Variants in UBTF observed in about 807,000 individuals in gnomAD.
UBTF encodes the protein upstream binding transcription factor.
Under a neutral mutation model 112.3 loss-of-function variants are expected in UBTF, and 8 were observed. That is an observed-to-expected ratio of 0.07 (90% CI 0.04 to 0.13). The LOEUF is 0.13. UBTF is among the 10% of genes least tolerant of loss of function. The probability of loss-of-function intolerance (pLI) is 1.00; values close to 1 mark genes in which losing one functional copy is unlikely to be tolerated. For synonymous variants in UBTF, 417 were observed against 373.1 expected (o/e 1.12, Z -1.36); for missense variants, 457 against 982.1 (o/e 0.47, Z 7.15).
chr17:44,220,176 C>G (rs1355443772), upstream of UBTF, among the ~76,000 whole-genome samples: 1 of 151,832 alleles, frequency 6.6e-6, no homozygotes, highest in African/African-American at 2.4e-5. Flanking sequence ...CGAGAGCGAC[C>G]TCGCCAGACC....
At chr17:44,209,876 T>C in intron 15 of UBTF, 143 bp from the exon 16 acceptor site, 1 of 908,938 alleles carries the variant, frequency 1.1e-6, no homozygotes, top group Non-Finnish European at 1.7e-6. Flanking sequence ...AGCAACTTCC[T>C]AACAGCTCAC....
At chr17:44,217,757 C>G (rs1316442371) in intron 2 of UBTF, among the ~76,000 whole-genome samples, 1 of 152,170 alleles carries the variant, frequency 6.6e-6, no homozygotes, top group Non-Finnish European at 1.5e-5. Context: ...CCTAAAACCA[C>G]CAAAACAGCC....
chr17:44,217,528 C>T (rs1180104012), intron 2 of UBTF, among the ~76,000 whole-genome samples: 1 of 152,134 alleles, frequency 6.6e-6, no homozygotes, highest in East Asian at 1.9e-4. Flanking sequence ...CCACCCAAGG[C>T]CAGAAGTCAA....
chr17:44,210,585 T>G (rs1002528538), intron 13 of UBTF, 112 bp from the exon 14 acceptor site: 37 of 1,412,874 alleles, frequency 2.6e-5, no homozygotes, highest in Admixed American at 1.2e-4. Flanking sequence ...CTGGTGCAGA[T>G]GTCTCCCGCC....
In UBTF at chr17:44,219,613, T is replaced by TGGC. The variant is rs376194709; in HGVS notation, c.-239_-237dup. 3.7e-5 allele frequency: 6 copies of TGGC among 161,524 alleles called. No homozygotes were observed. Among genetic ancestry groups the TGGC allele is most frequent in the East Asian group, 3.7e-4 (2 of 5,364 alleles). 10.0% of individuals were successfully genotyped at this position (161,524 alleles called of 1,614,324 possible). On this transcript the variant is annotated 5_prime_UTR_variant, in exon 1 of 21. Coordinates refer to ENST00000436088, the MANE Select transcript of UBTF (RefSeq NM_014233.4). ...GCTGGGGCGGCGGCTGCTGCTGCTG[T>TGGC]GGCGGCGGCGGCGGCGGCGGCGGCT...
At chr17:44,212,286 G>A (rs560770445) in intron 8 of UBTF, 58 bp downstream of exon 8, 2 of 1,466,294 alleles carry the variant, frequency 1.4e-6, no homozygotes, top group South Asian at 1.1e-5. Flanking sequence ...TGGCCACGGA[G>A]TCGGAGGGCA....
At chr17:44,213,325 T>G in intron 5 of UBTF, 43 bp from the exon 6 acceptor site, 187 of 1,594,150 alleles carry the variant, frequency 1.2e-4, no homozygotes, top group Middle Eastern at 1.7e-4. Context: ...CCCAAGGGTA[T>G]CTCACCCTGA....
intron 3 of UBTF, 146 bp from the exon 4 acceptor site, chr17:44,216,135 C>A: frequency 1.4e-6 from 1 of 706,700 alleles, no homozygotes; most frequent in Non-Finnish European, 2.4e-6. Flanking sequence ...CCAAATGAAG[C>A]AGGCAGCATG....
At position 44,211,024 on chromosome 17, in the gene UBTF, G is replaced by A. The variant is rs374377415; in HGVS notation, c.1203+15C>T. The A allele has an allele frequency of 7.5e-6, 12 of 1,606,260 alleles. No individual in the cohort carries two copies. The highest frequency in any genetic ancestry group is 2.7e-5 in the African/African-American group (2 of 75,010). ...CTTGCCCACCCCCGCCTGCGCGGCC[G>A]CACCCTCTGCCCACCTTGCCCCCTT... On this transcript the variant is annotated intron_variant, in intron 12 of 20. Transcript: ENST00000436088. This position sits in a 1 kb window ranked among gnomAD's most constrained non-coding sequence, Gnocchi z 4.9.
Position 44,205,322 on chromosome 17 carries a change from T to C in UBTF, c.*1920A>G, listed in dbSNP as rs2056187826. The stretch of plus-strand genomic sequence containing the variant: ...CCCACCCTGACAGTCCTGTTTGTAC[T>C]GTAAGAATTTTTCAATTTTTAAAAC... On this transcript the variant is annotated 3_prime_UTR_variant, in exon 21 of 21. Coordinates refer to ENST00000436088, the MANE Select transcript of UBTF (RefSeq NM_014233.4). 1 of 152,644 alleles carries C rather than the reference T, an allele frequency of 6.6e-6. No individual in the cohort carries two copies. The highest frequency in any genetic ancestry group is 1.5e-5 in the Non-Finnish European group (1 of 68,044). The allele number at this position is 152,644 out of a possible 1,614,324, so 9.5% of individuals were successfully genotyped here.
Position 44,211,609 on chromosome 17 carries a change from A to G in UBTF, c.1044T>C (p.Asp348=), listed in dbSNP as rs1164328848. The G allele has an allele frequency of 3.1e-6, 5 of 1,611,030 alleles. No homozygotes were observed. In the Admixed American group the frequency reaches 6.7e-5, roughly 21 times the overall value. The change falls in exon 10 of 21, where the codon GAT becomes GAC. Residue 348 remains aspartate, a synonymous_variant. Transcript: ENST00000436088. This position sits in a 1 kb window ranked among gnomAD's most constrained non-coding sequence, Gnocchi z 4.9. ...GGTGGCCCCTGCCACAGCTCACCTG[A>G]TCACACTTCTTGTGATAGGCGTCCT... ...KEKDAYHKKC[D]QKKKDYEVEL...
At chr17:44,208,581 C>G (rs942044125) in intron 17 of UBTF, 6 of 156,048 alleles carry the variant, frequency 3.8e-5, no homozygotes, top group South Asian at 1.7e-4. Context: ...CACCCCAACA[C>G]CAAACCCTTG....
Position 44,207,462 on chromosome 17 carries a change from C to T in UBTF, c.2161G>A (p.Gly721Arg). 6.2e-7 allele frequency: 1 copy of T among 1,614,000 alleles called. No homozygotes were observed. The highest frequency in any genetic ancestry group is 8.5e-7 in the Non-Finnish European group (1 of 1,179,924). ...ESSSEDESED[G>R]DENEEDDEDE... The stretch of plus-strand genomic sequence containing the variant: ...TGCCCTGTCTGCCCCACCTCATCCC[C>T]ATCCTCGCTCTCGTCCTCGCTGCTG... The change falls in exon 20 of 21, where the codon GGG becomes AGG. Residue 721 changes from glycine (G) to arginine (R), a missense_variant. By Grantham distance (125) the Gly-to-Arg change is moderately radical. Transcript: ENST00000436088.
intron 3 of UBTF, 79 bp from the exon 4 acceptor site, chr17:44,216,068 G>A (rs1055076893): frequency 6.9e-6 from 8 of 1,158,866 alleles, no homozygotes; most frequent in Admixed American, 5.3e-5. Flanking sequence ...ATCTTATAAC[G>A]GGTCTCTTCT....
In UBTF at chr17:44,210,955, G is replaced by A. The variant is rs775116083; in HGVS notation, c.1204-8C>T. 57 of 1,604,128 alleles carry A rather than the reference G, an allele frequency of 3.6e-5. No individual in the cohort carries two copies. The highest frequency in any genetic ancestry group is 4.6e-5 in the Non-Finnish European group (54 of 1,177,230). ...GGGCTTCTCGGAGCCGCCCTGTCCAGGTGCAGAGGGTCGGGGTCCGTGGGT... is the reference window on the plus strand; with the variant it reads ...GGGCTTCTCGGAGCCGCCCTGTCCAAGTGCAGAGGGTCGGGGTCCGTGGGT... On this transcript the variant is annotated splice_polypyrimidine_tract_variant and splice_region_variant and intron_variant, in intron 12 of 20. Transcript: ENST00000436088.
In UBTF at chr17:44,212,580, G is replaced by A. The variant is rs565676404; in HGVS notation, c.661-126C>T. ...GAGGTCACATCAGTGTCCCCCACAG[G>A]CCAGGAGGGGAAGGCGGAGAGGCGG... On this transcript the variant is annotated intron_variant, in intron 7 of 20. Transcript: ENST00000436088. The A allele has an allele frequency of 1.6e-4, 165 of 1,030,422 alleles. No homozygotes were observed. In the African/African-American group the frequency reaches 2.5e-3, roughly 15 times the overall value. The allele number at this position is 1,030,422 out of a possible 1,614,324, so 63.8% of individuals were successfully genotyped here.
At chr17:44,213,551 G>A (rs2046686541) in intron 5 of UBTF, among the ~76,000 whole-genome samples, 1 of 152,188 alleles carries the variant, frequency 6.6e-6, no homozygotes, top group Admixed American at 6.5e-5. Context: ...CCAGAAGGGG[G>A]CCATGGCATT....
rs558365819 is a variant in UBTF, at chr17:44,213,363, C to T, written c.475-81G>A. On this transcript the variant is annotated intron_variant, in intron 5 of 20. Coordinates refer to ENST00000436088, the MANE Select transcript of UBTF (RefSeq NM_014233.4). The stretch of plus-strand genomic sequence containing the variant: ...TATGAAGGCCACCCAGACCCCTCCT[C>T]GCTGGCTCTTCTGCCTCCCACGCTG... 3.9e-5 allele frequency: 57 copies of T among 1,450,910 alleles called. No homozygotes were observed. In the Admixed American group the frequency reaches 6.4e-4, roughly 16 times the overall value. The allele number at this position is 1,450,910 out of a possible 1,614,324, so 89.9% of individuals were successfully genotyped here.
chr17:44,210,279 G>A, intron 14 of UBTF, 39 bp downstream of exon 14: 1 of 1,614,268 alleles, frequency 6.2e-7, no homozygotes, highest in Non-Finnish European at 8.5e-7. Context: ...GTCACCCGGG[G>A]CTAGAGGCTG....
Sources: gnomAD v4.1 joint callset for allele counts (sites outside exome capture counted in the v4.1 genomes callset) on GRCh38, gnomAD v4.1.1 for gene constraint, Gnocchi (gnomAD v3.1) non-coding constraint, MANE v1.5 for transcripts, NCBI Gene and HGNC (gene_info 2026-07-23, HGNC 2026-07-21) for gene names.